The following GPC5 variants were observed in gnomAD, a reference collection of about 807,000 sequenced individuals.
GPC5 encodes glypican-5.
Under a neutral mutation model 53.9 loss-of-function variants are expected in GPC5, and 47 were observed. The ratio of observed to expected loss-of-function variants is 0.87; its 90% CI spans 0.69 to 1.11. The LOEUF is 1.11. Ranked by LOEUF, GPC5 falls within the 50% of genes most tolerant of loss-of-function variation. GPC5 has a pLI of 0.00. For missense variants in GPC5, 748 were observed against 713.1 expected (o/e 1.05, Z -0.56); for synonymous variants, 286 against 263.3 (o/e 1.09, Z -0.84).
intron 7 of GPC5, among the ~76,000 whole-genome samples, chr13:92,597,918 A>G (rs1883931480): frequency 6.6e-6 from 1 of 152,210 alleles, no homozygotes; most frequent in African/African-American, 2.4e-5. Context: ...TGCTGAATAT[A>G]GCTCTATTGC....
chr13:92,385,876 A>T (rs989213258), intron 7 of GPC5, among the ~76,000 whole-genome samples: 1 of 146,148 alleles, frequency 6.8e-6, no homozygotes, highest in Non-Finnish European at 1.5e-5. Flanking sequence ...TCATTTAGGG[A>T]CCTATAAAAA....
intron 7 of GPC5, among the ~76,000 whole-genome samples, chr13:92,322,388 T>C: frequency 6.6e-6 from 1 of 152,096 alleles, no homozygotes; most frequent in East Asian, 1.9e-4. Context: ...ACCACAATTG[T>C]ATGACAAAGA....
chr13:92,551,392 A>G (rs1453326903), intron 7 of GPC5, among the ~76,000 whole-genome samples: 2 of 131,178 alleles, frequency 1.5e-5, no homozygotes, highest in Non-Finnish European at 3.3e-5. Context: ...CAGATTAACC[A>G]GATATTTTCA....
chr13:91,443,370 T>C (rs1479913354), intron 1 of GPC5, among the ~76,000 whole-genome samples: 1 of 152,096 alleles, frequency 6.6e-6, no homozygotes, highest in African/African-American at 2.4e-5. Flanking sequence ...GAGAAGATGG[T>C]CAGATGCAAG....
intron 2 of GPC5, among the ~76,000 whole-genome samples, chr13:91,572,660 G>A (rs2031978382): frequency 1.3e-5 from 2 of 151,970 alleles, no homozygotes; most frequent in Admixed American, 1.3e-4. Flanking sequence ...TATTCACGAG[G>A]GATCTGCCCC....
chr13:92,483,102 C>A (rs746272010), intron 7 of GPC5, among the ~76,000 whole-genome samples: 1 of 152,142 alleles, frequency 6.6e-6, no homozygotes, highest in Non-Finnish European at 1.5e-5. Context: ...TGGAGGAAAC[C>A]GTCCCCATGA....
At chr13:92,773,141 G>GCATTTTTCCAGAATTTAGTATAATA (rs1420893088) in intron 7 of GPC5, among the ~76,000 whole-genome samples, 1 of 152,014 alleles carries the variant, frequency 6.6e-6, no homozygotes. Context: ...CAAAACAGTA[G>GCATTTTTCCAGAATTTAGTATAATA]CATTTTTCCA....
chr13:92,341,347 G>C (rs920851462), intron 7 of GPC5, among the ~76,000 whole-genome samples: 2 of 151,962 alleles, frequency 1.3e-5, no homozygotes, highest in Non-Finnish European at 2.9e-5. Context: ...GCATACTGTT[G>C]TATCATATAT....
At chr13:92,342,197 G>T (rs547304779) in intron 7 of GPC5, among the ~76,000 whole-genome samples, 1 of 152,140 alleles carries the variant, frequency 6.6e-6, no homozygotes, top group South Asian at 2.1e-4. Flanking sequence ...CTATTCAGTT[G>T]CCTGCTTTCG....
chr13:92,158,871 G>A (rs553242813), intron 7 of GPC5, among the ~76,000 whole-genome samples: 1 of 152,224 alleles, frequency 6.6e-6, no homozygotes, highest in African/African-American at 2.4e-5. Context: ...TTTATGAACT[G>A]TTGAACAATA....
At chr13:91,487,330 G>A (rs1883667412) in intron 2 of GPC5, among the ~76,000 whole-genome samples, 1 of 152,174 alleles carries the variant, frequency 6.6e-6, no homozygotes, top group East Asian at 1.9e-4. Flanking sequence ...GGATGCTGAA[G>A]ATGGAAATTA....
At chr13:92,526,823 T>C (rs1277986126) in intron 7 of GPC5, among the ~76,000 whole-genome samples, 2 of 151,802 alleles carry the variant, frequency 1.3e-5, no homozygotes, top group Non-Finnish European at 2.9e-5. Context: ...CTTGAAGAGC[T>C]TGGTATTAAA....
intron 7 of GPC5, among the ~76,000 whole-genome samples, chr13:92,218,790 A>G (rs983971343): frequency 1.3e-5 from 2 of 152,210 alleles, no homozygotes; most frequent in African/African-American, 4.8e-5. Context: ...CTCCAAGCTA[A>G]GGGATAAAAT....
At chr13:92,652,930 G>GCATCTCTCCT (rs1211248514) in intron 7 of GPC5, among the ~76,000 whole-genome samples, 4 of 152,050 alleles carry the variant, frequency 2.6e-5, no homozygotes, top group Non-Finnish European at 5.9e-5. Context: ...TAAAAAGTGT[G>GCATCTCTCCT]CATCTCTCCT....
rs1875253727 is a variant in GPC5, at chr13:92,395,999, A to G, written c.1561+251010A>G. On this transcript the variant is annotated intron_variant, in intron 7 of 7. Coordinates refer to ENST00000377067, the MANE Select transcript of GPC5 (RefSeq NM_004466.6). ...GAGCTTTCTGTATCTGTGGACTGATATCTAGAATTAATTTTGGAAAAATCT... is the reference window on the plus strand; with the variant it reads ...GAGCTTTCTGTATCTGTGGACTGATGTCTAGAATTAATTTTGGAAAAATCT... Among the ~76,000 whole-genome samples, 2 of 150,178 alleles carry G rather than the reference A, an allele frequency of 1.3e-5. 1 individual carries two copies. Among genetic ancestry groups the G allele is most frequent in the Non-Finnish European group, 3.0e-5 (2 of 67,760 alleles).
intron 1 of GPC5, among the ~76,000 whole-genome samples, chr13:91,439,600 T>C (rs577122047): frequency 2.0e-5 from 3 of 152,364 alleles, no homozygotes; most frequent in Non-Finnish European, 2.9e-5. Flanking sequence ...CTGTTTTTTT[T>C]CCTTGCAAAC....
chr13:92,595,532 G>A (rs2139073073), intron 7 of GPC5, among the ~76,000 whole-genome samples: 1 of 152,106 alleles, frequency 6.6e-6, no homozygotes, highest in African/African-American at 2.4e-5. Flanking sequence ...ACTTTGGGAG[G>A]CCGAGGCAGG....
At chr13:92,704,792 T>C (rs776174190) in intron 7 of GPC5, among the ~76,000 whole-genome samples, 14 of 149,634 alleles carry the variant, frequency 9.4e-5, no homozygotes, top group Non-Finnish European at 1.8e-4. Flanking sequence ...TATATATATA[T>C]ACATATACAC....
chr13:92,184,355 A>AT (rs1566474537), intron 7 of GPC5, among the ~76,000 whole-genome samples: 1 of 152,166 alleles, frequency 6.6e-6, no homozygotes, highest in Non-Finnish European at 1.5e-5. Context: ...ACACAAAAAA[A>AT]TTTATTTCTA....
Sources: allele counts gnomAD v4.1 joint callset (sites outside exome capture counted in the v4.1 genomes callset), GRCh38; gene constraint gnomAD v4.1.1; transcripts MANE v1.5; gene names NCBI Gene and HGNC (gene_info 2026-07-23, HGNC 2026-07-21).